ADGRV1: variants seen among roughly 807,000 people sequenced by gnomAD.
The protein encoded by ADGRV1 is adhesion G protein-coupled receptor V1.
Under a neutral mutation model 596.2 loss-of-function variants are expected in ADGRV1, and 359 were observed. That is an observed-to-expected ratio of 0.60 (90% CI 0.55 to 0.66). ADGRV1 has a LOEUF of 0.66. Ranked by LOEUF, ADGRV1 falls within the 30% of genes least tolerant of loss-of-function variation. The probability of loss-of-function intolerance (pLI) is 0.00; values close to 1 mark genes in which losing one functional copy is unlikely to be tolerated. For synonymous variants in ADGRV1, 2,681 were observed against 2,679.2 expected (o/e 1.00, Z -0.02); for missense variants, 7,274 against 7,575.6 (o/e 0.96, Z 1.48).
chr5:91,023,370 C>T (rs1437472448), intron 85 of ADGRV1, among the ~76,000 whole-genome samples: 1 of 151,810 alleles, frequency 6.6e-6, no homozygotes, highest in African/African-American at 2.4e-5. Flanking sequence ...GTCCTTGTTA[C>T]AGTATAAGGA....
chr5:91,015,069 G>A (rs1446630581), intron 85 of ADGRV1, among the ~76,000 whole-genome samples: 1 of 151,878 alleles, frequency 6.6e-6, no homozygotes, highest in Non-Finnish European at 1.5e-5. Flanking sequence ...AGAGTTTCTG[G>A]CATTTTGTAT....
At position 90,807,641 on chromosome 5, in the gene ADGRV1, T is replaced by A; in HGVS notation, c.14876T>A (p.Val4959Asp). The A allele has an allele frequency of 6.2e-7, 1 of 1,612,554 alleles. No homozygotes were observed. The highest frequency in any genetic ancestry group is 8.5e-7 in the Non-Finnish European group (1 of 1,178,988). The change falls in exon 73 of 90, where the codon GTT (valine) becomes GAT (aspartate). Residue 4959 changes from valine to aspartate, a missense_variant. Physicochemically the swap from Val to Asp is radical, Grantham distance 152. Around this residue, in one of 5 missense-constraint regions of ADGRV1, gnomAD observed 1,874 missense variants for 1,970.2 expected, o/e 0.95. Coordinates refer to ENST00000405460, the MANE Select transcript of ADGRV1 (RefSeq NM_032119.4). ...TCCCACGGTGAACAAAGGAAAGGAG[T>A]TTTCCTGTGGACGTTTCCTAGCCCT... ...SFSHGEQRKGVFLWTFPSPGW... is the reference protein window; with the variant it reads ...SFSHGEQRKGDFLWTFPSPGW...
rs141177430 is a variant in ADGRV1 at position 91,080,734 on chromosome 5, G to A, written c.18310+8130G>A. ...CTAGTTTTCCTCACTATTCTCATAT[G>A]TAATGCAGGTGTAATAACACTATTT... On this transcript the variant is annotated intron_variant, in intron 86 of 89. Coordinates refer to ENST00000405460, the MANE Select transcript of ADGRV1 (RefSeq NM_032119.4). Among the ~76,000 whole-genome samples the A allele has an allele frequency of 4.5e-3, 678 of 151,830 alleles. 6 individuals carry two copies. Among genetic ancestry groups the A allele is most frequent in the African/African-American group, 0.013 (559 of 41,422 alleles).
At chr5:90,813,330 C>T (rs1331893324) in intron 74 of ADGRV1, among the ~76,000 whole-genome samples, 1 of 151,910 alleles carries the variant, frequency 6.6e-6, no homozygotes, top group Non-Finnish European at 1.5e-5. Context: ...TGTTCCAAGC[C>T]ATACTCCATT....
At chr5:90,664,973 A>G (rs1033656344) in intron 21 of ADGRV1, among the ~76,000 whole-genome samples, 4 of 151,998 alleles carry the variant, frequency 2.6e-5, no homozygotes, top group African/African-American at 9.7e-5. Flanking sequence ...CCACTTGATC[A>G]TGGTAGATAA....
At chr5:90,998,920 A>G (rs919369605) in intron 85 of ADGRV1, among the ~76,000 whole-genome samples, 1 of 152,148 alleles carries the variant, frequency 6.6e-6, no homozygotes, top group African/African-American at 2.4e-5. Context: ...CATGTACCAG[A>G]CACTCTACTA....
At chr5:91,052,075 G>C (rs549642944) in intron 85 of ADGRV1, among the ~76,000 whole-genome samples, 1 of 151,922 alleles carries the variant, frequency 6.6e-6, no homozygotes, top group South Asian at 2.1e-4. Flanking sequence ...AAACTTATTG[G>C]TTTTTCTTTT....
At chr5:90,608,075 A>G (rs1305442312) in intron 1 of ADGRV1, among the ~76,000 whole-genome samples, 1 of 152,182 alleles carries the variant, frequency 6.6e-6, no homozygotes, top group African/African-American at 2.4e-5. Context: ...TAAAAATAGT[A>G]GGATAATTGA....
At chr5:90,693,452 A>T (rs1016252314) in intron 32 of ADGRV1, among the ~76,000 whole-genome samples, 3 of 149,246 alleles carry the variant, frequency 2.0e-5, no homozygotes, top group Admixed American at 6.7e-5. Flanking sequence ...TATTTTTTAA[A>T]TTTTTTTTTT....
intron 84 of ADGRV1, among the ~76,000 whole-genome samples, chr5:90,983,125 A>C (rs1325940050): frequency 2.0e-5 from 3 of 152,216 alleles, no homozygotes; most frequent in African/African-American, 4.8e-5. Flanking sequence ...AGAAATTTAA[A>C]TTATTTTTTA....
At chr5:91,160,613 A>G (rs187394281) in intron 89 of ADGRV1, among the ~76,000 whole-genome samples, 9 of 152,342 alleles carry the variant, frequency 5.9e-5, no homozygotes, top group Admixed American at 5.2e-4. Context: ...TGTCCCTGTT[A>G]TCACAGTCGC....
chr5:90,784,027 G>GCGGACTGGAGGACTC lies in ADGRV1; in HGVS notation c.13624_13638dup (p.Arg4542_Leu4546dup). On this transcript the variant is annotated inframe_insertion, in exon 67 of 90. Coordinates refer to ENST00000405460, the MANE Select transcript of ADGRV1 (RefSeq NM_032119.4). The stretch of plus-strand genomic sequence containing the variant: ...CAATGATTTTATCACTGGTGCTGGA[G>GCGGACTGGAGGACTC]CGGACTGGAGGACTCTTGGGAGAGA... The GCGGACTGGAGGACTC allele has an allele frequency of 1.9e-6, 3 of 1,612,648 alleles. No homozygotes were observed. Among genetic ancestry groups the GCGGACTGGAGGACTC allele is most frequent in the Non-Finnish European group, 2.5e-6 (3 of 1,179,250 alleles).
At chr5:91,035,946 T>TA (rs1784878156) in intron 85 of ADGRV1, among the ~76,000 whole-genome samples, 1 of 146,722 alleles carries the variant, frequency 6.8e-6, no homozygotes, top group African/African-American at 2.5e-5. Context: ...TTTCCTTACT[T>TA]ACACACAGAA....
chr5:90,660,533 TA>T (rs35855708), intron 21 of ADGRV1, among the ~76,000 whole-genome samples: 75,287 of 151,736 alleles, frequency 0.5, 19,238 homozygotes, highest in East Asian at 0.81. Context: ...AATTTAACGT[TA>T]AAAAAAATTC....
In ADGRV1 at chr5:90,970,151, G is replaced by C. The variant is rs534122535; in HGVS notation, c.17973+4620G>C. ...GCTAGCACAGCAGTCTGAGATCGAA[G>C]TGCAAGGCAGCAGCGAGGCTGGGGG... is the stretch of plus-strand genomic sequence containing the variant. On this transcript the variant is annotated intron_variant, in intron 84 of 89. Transcript: ENST00000405460. Among the ~76,000 whole-genome samples, 15 of 152,340 alleles carry C rather than the reference G, an allele frequency of 9.8e-5. No homozygotes were observed. In the South Asian group the frequency reaches 2.7e-3, roughly 27 times the overall value.
At position 90,757,036 on chromosome 5, in the gene ADGRV1, G is replaced by A; in HGVS notation, c.11815G>A (p.Val3939Ile). 6.2e-7 allele frequency: 1 copy of A among 1,613,840 alleles called. No homozygotes were observed. Among genetic ancestry groups the A allele is most frequent in the Non-Finnish European group, 8.5e-7 (1 of 1,179,776 alleles). ...GCCTCCACCCTTGAACGTTCTTCAA[G>A]TTCCTGTAGTCCGGCTGGCTGGAAG... is the stretch of plus-strand genomic sequence containing the variant. Reference protein sequence around the residue: ...EVPPPLNVLQVPVVRLAGSFG... With the variant: ...EVPPPLNVLQIPVVRLAGSFG... The change falls in exon 57 of 90, where the codon GTT (valine) becomes ATT (isoleucine). Residue 3939 changes from valine (V) to isoleucine (I), a missense_variant. By Grantham distance (29) the Val-to-Ile change is conservative (BLOSUM62 3). This residue lies in a region of ADGRV1 where 3,643 missense variants were observed against 3,809.2 expected (regional missense o/e 0.96). Coordinates refer to ENST00000405460, the MANE Select transcript of ADGRV1 (RefSeq NM_032119.4).
At position 90,856,551 on chromosome 5, in the gene ADGRV1, C is replaced by T. The variant is rs538162914; in HGVS notation, c.17755+650C>T. Reference sequence around the variant, plus strand: ...GTCGGGCATCTGAGAATTCCTTAAACTATAATTCTATACCCCACCCTCACC... The same window carrying T: ...GTCGGGCATCTGAGAATTCCTTAAATTATAATTCTATACCCCACCCTCACC... On this transcript the variant is annotated intron_variant, in intron 82 of 89. Coordinates refer to ENST00000405460, the MANE Select transcript of ADGRV1 (RefSeq NM_032119.4). Among the ~76,000 whole-genome samples the T allele has an allele frequency of 3.3e-5, 5 of 152,280 alleles. No homozygotes were observed. In the East Asian group the frequency reaches 9.7e-4, roughly 29 times the overall value.
chr5:90,692,545 C>A, intron 31 of ADGRV1, 60 bp from the exon 32 acceptor site: 2 of 1,326,666 alleles, frequency 1.5e-6, no homozygotes, highest in South Asian at 2.9e-5. Flanking sequence ...TCCCTTGAAT[C>A]ATTTTTATTC....
chr5:90,601,544 A>G (rs1375611136), intron 1 of ADGRV1, among the ~76,000 whole-genome samples: 10 of 152,268 alleles, frequency 6.6e-5, no homozygotes, highest in South Asian at 4.1e-4. Flanking sequence ...GATGAATTAG[A>G]AAACAGAAAA....
Sources: gnomAD v4.1 joint callset for allele counts (sites outside exome capture counted in the v4.1 genomes callset) on GRCh38, gnomAD v4.1.1 for gene constraint, gnomAD v4.1.1 regional missense constraint, MANE v1.5 for transcripts, NCBI Gene and HGNC (gene_info 2026-07-23, HGNC 2026-07-21) for gene names.